The following DAGLB variants were observed in gnomAD, a reference collection of about 807,000 sequenced individuals.
DAGLB encodes the protein diacylglycerol lipase beta.
Under a neutral mutation model 72.1 loss-of-function variants are expected in DAGLB, and 66 were observed. The ratio of observed to expected loss-of-function variants is 0.92; its 90% CI spans 0.75 to 1.12. The LOEUF (loss-of-function observed/expected upper bound fraction) is 1.12. Among genes scored for constraint, DAGLB ranks in the 50% most tolerant of loss-of-function variants. The pLI, the probability that DAGLB is intolerant of heterozygous loss-of-function variation, is 0.00. For synonymous variants in DAGLB, 414 were observed against 359.5 expected (o/e 1.15, Z -1.71); for missense variants, 1,065 against 884.9 (o/e 1.20, Z -2.58).
chr7:6,446,588 G>A (rs7810332), intron 1 of DAGLB, among the ~76,000 whole-genome samples: 2 of 151,432 alleles, frequency 1.3e-5, no homozygotes. Flanking sequence ...TAGAGACAGG[G>A]TCTTGCTATG....
chr7:6,432,867 C>T lies in DAGLB; in HGVS notation c.771G>A (p.Gln257=), dbSNP rs977601175. 2 of 1,613,948 alleles carry T rather than the reference C, an allele frequency of 1.2e-6. No individual in the cohort carries two copies. Among genetic ancestry groups the T allele is most frequent in the African/African-American group, 1.3e-5 (1 of 75,058 alleles). The change falls in exon 5 of 15, where the codon CAG becomes CAA. Residue 257 remains glutamine (Q), a synonymous_variant. Coordinates refer to ENST00000297056, the MANE Select transcript of DAGLB (RefSeq NM_139179.4). Reference sequence around the variant, plus strand: ...AGCTCCCTGGGGCATGGCAGACCACCTGGGCAGGCTCTTGGTTGTTCCTGA... The same window carrying T: ...AGCTCCCTGGGGCATGGCAGACCACTTGGGCAGGCTCTTGGTTGTTCCTGA... ...DNIRNNQEPA[Q]VVCHAPGSSQ... is the part of the protein sequence containing the mutation.
In DAGLB at chr7:6,434,644, C is replaced by G. The variant is rs542134431; in HGVS notation, c.678+118G>C. 68 of 1,518,884 alleles carry G rather than the reference C, an allele frequency of 4.5e-5. No individual in the cohort carries two copies. The East Asian group carries it at 9.5e-4, about 21-fold the overall frequency. The allele number at this position is 1,518,884 out of a possible 1,614,324, so 94.1% of individuals were successfully genotyped here. On this transcript the variant is annotated intron_variant, in intron 4 of 14. Transcript: ENST00000297056. ...AGACAGAGGGTCTCCGGCCACCCCC[C>G]ACACACCCAAAGACACCAGGTTCTC...
intron 2 of DAGLB, among the ~76,000 whole-genome samples, chr7:6,442,066 G>T (rs1784853943): frequency 1.3e-5 from 2 of 152,094 alleles, no homozygotes; most frequent in African/African-American, 4.8e-5. Flanking sequence ...CCTTCCTAGA[G>T]GGGCAAGGAA....
At chr7:6,422,966 C>T (rs1387207844) in intron 8 of DAGLB, among the ~76,000 whole-genome samples, 2 of 152,198 alleles carry the variant, frequency 1.3e-5, no homozygotes, top group Non-Finnish European at 2.9e-5. Flanking sequence ...CGGTAAGATC[C>T]GATCCGTGTT....
Position 6,426,096 on chromosome 7 carries a change from T to C in DAGLB, c.948A>G (p.Thr316=), listed in dbSNP as rs776696962. The change falls in exon 7 of 15, where the codon ACA becomes ACG. Residue 316 remains threonine, a synonymous_variant. Coordinates refer to ENST00000297056, the MANE Select transcript of DAGLB (RefSeq NM_139179.4). ...GATCGCCTCCGACCAAGTCATAGTC[T>C]GTGGTTCTGCTTCTGCAGCTAAAAA... ...IGGDCCRSRT[T]DYDLVGGDQL... 1.9e-6 allele frequency: 3 copies of C among 1,613,676 alleles called. No individual in the cohort carries two copies. The highest frequency in any genetic ancestry group is 1.7e-6 in the Non-Finnish European group (2 of 1,179,946).
Position 6,410,291 on chromosome 7 carries a change from T to G in DAGLB, c.1659A>C (p.Glu553Asp), listed in dbSNP as rs369600048. 1.2e-6 allele frequency: 2 copies of G among 1,613,850 alleles called. No homozygotes were observed. Among genetic ancestry groups the G allele is most frequent in the Non-Finnish European group, 1.7e-6 (2 of 1,179,972 alleles). ...CCCCCAGAAGAGGCTGTGTCAGGAC[T>G]TCCTGGTCGCCCCCGTCCAGCTCCG... ...LPTELDGGDQ[E>D]VLTQPLLGEQ... Residue 553 changes from glutamate (E) to aspartate (D), a missense_variant, in exon 14 of 15, where the codon GAA (glutamate) becomes GAC (aspartate). Transcript: ENST00000297056.
chr7:6,435,757 G>C (rs943651575), intron 3 of DAGLB, among the ~76,000 whole-genome samples: 5 of 152,180 alleles, frequency 3.3e-5, no homozygotes, highest in African/African-American at 1.2e-4. Flanking sequence ...CAAGACGCCG[G>C]ATTGAGGAGC....
At chr7:6,413,315 C>T (rs1266176974) in intron 11 of DAGLB, among the ~76,000 whole-genome samples, 2 of 152,188 alleles carry the variant, frequency 1.3e-5, no homozygotes, top group East Asian at 1.9e-4. Context: ...ACCCAGAAAC[C>T]GCGCTTGGAA....
chr7:6,412,663 C>G, intron 13 of DAGLB, 148 bp downstream of exon 13: 7 of 895,590 alleles, frequency 7.8e-6, no homozygotes, highest in Non-Finnish European at 1.0e-5. Context: ...AGAGTCCTAG[C>G]CCAGAATCTG....
intron 2 of DAGLB, among the ~76,000 whole-genome samples, chr7:6,439,278 A>G (rs1209292757): frequency 1.3e-5 from 2 of 151,626 alleles, no homozygotes; most frequent in African/African-American, 2.4e-5. Context: ...AAGAAAAAAA[A>G]AAAAAGAAAA....
chr7:6,433,110 G>A, intron 4 of DAGLB, 151 bp from the exon 5 acceptor site: 1 of 1,231,862 alleles, frequency 8.1e-7, no homozygotes. Flanking sequence ...CTCCTGGCAG[G>A]AGTGCTTCTC....
At chr7:6,410,946 A>T (rs1410355360) in intron 13 of DAGLB, among the ~76,000 whole-genome samples, 2 of 137,218 alleles carry the variant, frequency 1.5e-5, no homozygotes, top group African/African-American at 5.6e-5. Flanking sequence ...GTGCAGTGGC[A>T]CAATCTTGGC....
rs1469774510 is a variant in DAGLB, at chr7:6,424,890, C to T, written c.1057-55G>A. 73 of 1,579,272 alleles carry T rather than the reference C, an allele frequency of 4.6e-5. No individual in the cohort carries two copies. The South Asian group carries it at 6.3e-4, about 14-fold the overall frequency. ...TAAACAGTGAACACACGCACCAGCA[C>T]GCAAAGTCGGAGCCCTGCAGTGTCT... On this transcript the variant is annotated intron_variant, in intron 7 of 14. Coordinates refer to ENST00000297056, the MANE Select transcript of DAGLB (RefSeq NM_139179.4).
intron 2 of DAGLB, among the ~76,000 whole-genome samples, chr7:6,439,177 C>T (rs936715951): frequency 1.3e-5 from 2 of 151,838 alleles, no homozygotes; most frequent in Non-Finnish European, 2.9e-5. Flanking sequence ...ATTGCTTGAA[C>T]CCAGGATGCG....
intron 2 of DAGLB, among the ~76,000 whole-genome samples, chr7:6,440,949 G>C (rs1408861069): frequency 1.3e-5 from 2 of 151,652 alleles, no homozygotes; most frequent in African/African-American, 4.8e-5. Flanking sequence ...ACTGACCATT[G>C]GTTTTTTCTT....
chr7:6,432,807 G>C (rs752085440), intron 5 of DAGLB, 30 bp downstream of exon 5: 48 of 1,609,282 alleles, frequency 3.0e-5, no homozygotes, highest in Non-Finnish European at 4.1e-5. Context: ...GTAAGTGTCA[G>C]AACTGGACAC....
rs760064650 is a variant in DAGLB, at chr7:6,409,805, A to G, written c.*32T>C. 15 of 1,604,318 alleles carry G rather than the reference A, an allele frequency of 9.3e-6. 1 individual carries two copies. Among genetic ancestry groups the G allele is most frequent in the South Asian group, 4.4e-5 (4 of 90,472 alleles). On this transcript the variant is annotated 3_prime_UTR_variant, in exon 15 of 15. Coordinates refer to ENST00000297056, the MANE Select transcript of DAGLB (RefSeq NM_139179.4). ...AGTTTAAGGACAAAAGCGTGAGTCC[A>G]TCGTTCCTGGGACAGTTTCCAGTGG... is the stretch of plus-strand genomic sequence containing the variant.
At chr7:6,417,915 G>C (rs1027548588) in intron 9 of DAGLB, 1 of 152,170 alleles carries the variant, frequency 6.6e-6, no homozygotes, top group African/African-American at 2.4e-5. Context: ...CTGTTGCCCA[G>C]GATGGAGTGC....
At chr7:6,411,384 G>A (rs1018630236) in intron 13 of DAGLB, among the ~76,000 whole-genome samples, 4 of 152,168 alleles carry the variant, frequency 2.6e-5, no homozygotes, top group Non-Finnish European at 5.9e-5. Context: ...CACTTTGGGA[G>A]GTCAAGGCAA....
Sources: allele counts gnomAD v4.1 joint callset (sites outside exome capture counted in the v4.1 genomes callset), GRCh38; gene constraint gnomAD v4.1.1; transcripts MANE v1.5; gene names NCBI Gene and HGNC (gene_info 2026-07-23, HGNC 2026-07-21).